Variants in KANSL1L observed in about 807,000 individuals in gnomAD.
The protein encoded by KANSL1L is KAT8 regulatory NSL complex subunit 1 like, also known as KAT8 regulatory NSL complex subunit 1-like protein.
A neutral mutation model predicts 108.6 loss-of-function variants in KANSL1L; 25 were observed. The observed-to-expected ratio is 0.23, with a 90% confidence interval of 0.17 to 0.32. KANSL1L has a LOEUF of 0.32. KANSL1L is among the 10% of genes least tolerant of loss of function. The pLI is 1.00. For missense variants in KANSL1L, 1,137 were observed against 1,125.7 expected (o/e 1.01, Z -0.14); for synonymous variants, 405 against 395.1 (o/e 1.03, Z -0.30).
At chr2:210,040,577 A>C in intron 7 of KANSL1L, 50 bp from the exon 8 acceptor site, 4 of 763,908 alleles carry the variant, frequency 5.2e-6, no homozygotes, top group Non-Finnish European at 8.4e-6. Flanking sequence ...TCTTTGTAAT[A>C]CTAGGATTAC....
intron 7 of KANSL1L, among the ~76,000 whole-genome samples, chr2:210,042,731 A>G (rs2094178895): frequency 6.6e-6 from 1 of 152,228 alleles, no homozygotes; most frequent in Non-Finnish European, 1.5e-5. Context: ...TATTATTGTT[A>G]TATGGATTAT....
At chr2:210,033,314 A>G (rs1455709809) in intron 8 of KANSL1L, among the ~76,000 whole-genome samples, 2 of 152,242 alleles carry the variant, frequency 1.3e-5, no homozygotes, top group African/African-American at 4.8e-5. Context: ...GAGTAATCTA[A>G]ACGTACTAAA....
intron 2 of KANSL1L, among the ~76,000 whole-genome samples, chr2:210,150,123 T>C (rs1277486227): frequency 1.3e-5 from 2 of 152,164 alleles, no homozygotes; most frequent in African/African-American, 2.4e-5. Flanking sequence ...CCTACCTTAA[T>C]GAACTGATAT....
Position 210,154,029 on chromosome 2 carries a change from T to A in KANSL1L, c.554A>T (p.Asp185Val). 1 of 1,613,988 alleles carries A rather than the reference T, an allele frequency of 6.2e-7. No individual in the cohort carries two copies. Among genetic ancestry groups the A allele is most frequent in the Non-Finnish European group, 8.5e-7 (1 of 1,179,946 alleles). ...CAATAAACCCTTTTTAATCTCAGCA[T>A]CAGTAACTTTATCCAAAAGTGCATT... ...QENALLDKVT[D>V]AEIKKGLLHC... Residue 185 changes from aspartate to valine, a missense_variant, in exon 2 of 15, where the codon GAT becomes GTT. By Grantham distance (152) the Asp-to-Val change is radical. Coordinates refer to ENST00000281772, the MANE Select transcript of KANSL1L (RefSeq NM_152519.4).
chr2:210,023,201 G>C (rs750027486), intron 14 of KANSL1L, 22 bp from the exon 15 acceptor site: 5 of 1,575,490 alleles, frequency 3.2e-6, no homozygotes, highest in Non-Finnish European at 4.4e-6. Context: ...AAAATTTTCA[G>C]TTAAGTTTCA....
At chr2:210,070,401 T>C (rs1476296169) in intron 6 of KANSL1L, among the ~76,000 whole-genome samples, 1 of 151,788 alleles carries the variant, frequency 6.6e-6, no homozygotes, top group Admixed American at 6.6e-5. Context: ...AGCTAATTTT[T>C]TGTATTTTTT....
intron 3 of KANSL1L, among the ~76,000 whole-genome samples, chr2:210,109,147 G>A (rs988462799): frequency 1.3e-5 from 2 of 151,666 alleles, no homozygotes; most frequent in South Asian, 4.2e-4. Flanking sequence ...TCTCTCTATG[G>A]CCCTTCAAAT....
At position 210,023,199 on chromosome 2, in the gene KANSL1L, C is replaced by CAGTTA. The variant is rs764285450; in HGVS notation, c.2734-25_2734-21dup. Reference sequence around the variant, plus strand: ...CAAAGACTGAAAGGGGAAAAATTTTCAGTTAAGTTTCAACTAACTTGTTTT... The same window carrying CAGTTA: ...CAAAGACTGAAAGGGGAAAAATTTTCAGTTAAGTTAAGTTTCAACTAACTTGTTTT... On this transcript the variant is annotated intron_variant, in intron 14 of 14. Transcript: ENST00000281772. 6.3e-6 allele frequency: 10 copies of CAGTTA among 1,582,320 alleles called. No individual in the cohort carries two copies. The highest frequency in any genetic ancestry group is 5.4e-5 in the African/African-American group (4 of 74,194).
chr2:210,074,871 T>C (rs927687275), intron 6 of KANSL1L, among the ~76,000 whole-genome samples: 2 of 152,184 alleles, frequency 1.3e-5, no homozygotes, highest in Admixed American at 1.3e-4. Flanking sequence ...CTAACGTTAA[T>C]TGTCAGGGGG....
intron 8 of KANSL1L, among the ~76,000 whole-genome samples, chr2:210,039,452 AGCT>A (rs2094141729): frequency 6.6e-6 from 1 of 151,884 alleles, no homozygotes; most frequent in African/African-American, 2.4e-5. Context: ...TACTTATAAA[AGCT>A]GCTGATTTTT....
chr2:210,040,682 C>A (rs950320076), intron 7 of KANSL1L, among the ~76,000 whole-genome samples, 155 bp from the exon 8 acceptor site: 2 of 152,014 alleles, frequency 1.3e-5, no homozygotes, highest in African/African-American at 4.8e-5. Context: ...TCGGAAGTGA[C>A]AAAATACTCT....
chr2:210,110,580 A>T (rs189990744), intron 3 of KANSL1L, among the ~76,000 whole-genome samples: 1 of 152,238 alleles, frequency 6.6e-6, no homozygotes, highest in African/African-American at 2.4e-5. Context: ...CAAAGACAGA[A>T]TTAGCAAATT....
At chr2:210,062,399 T>A (rs1041368477) in intron 6 of KANSL1L, among the ~76,000 whole-genome samples, 1 of 152,170 alleles carries the variant, frequency 6.6e-6, no homozygotes, top group Non-Finnish European at 1.5e-5. Flanking sequence ...ATTAATACAG[T>A]AAATTGGTAT....
At chr2:210,116,428 T>C (rs974931586) in intron 3 of KANSL1L, among the ~76,000 whole-genome samples, 3 of 152,290 alleles carry the variant, frequency 2.0e-5, no homozygotes, top group African/African-American at 4.8e-5. Flanking sequence ...AGCCAGGTAG[T>C]GGTCACTGCT....
chr2:210,049,902 A>G (rs1290999760), intron 6 of KANSL1L, among the ~76,000 whole-genome samples: 3 of 152,232 alleles, frequency 2.0e-5, no homozygotes, highest in Non-Finnish European at 4.4e-5. Context: ...TAGGCAGCAC[A>G]TGAGTGTTAT....
At chr2:210,162,224 A>ATATATATATATATG (rs889068390) in intron 1 of KANSL1L, among the ~76,000 whole-genome samples, 1 of 128,552 alleles carries the variant, frequency 7.8e-6, no homozygotes, top group African/African-American at 3.7e-5. Flanking sequence ...TGGTTCAGGT[A>ATATATATATATATG]TATATATATA....
At chr2:210,120,010 C>T (rs997544138) in intron 3 of KANSL1L, among the ~76,000 whole-genome samples, 1 of 152,120 alleles carries the variant, frequency 6.6e-6, no homozygotes, top group Non-Finnish European at 1.5e-5. Context: ...GAAAAGGGAA[C>T]CCAGAAATGA....
chr2:210,127,537 T>C (rs896196576), intron 3 of KANSL1L, among the ~76,000 whole-genome samples: 2 of 151,978 alleles, frequency 1.3e-5, no homozygotes, highest in Admixed American at 6.6e-5. Flanking sequence ...GGGCTCACAT[T>C]TGTCATACCA....
At chr2:210,063,753 T>C (rs929529674) in intron 6 of KANSL1L, 3 of 152,166 alleles carry the variant, frequency 2.0e-5, no homozygotes, top group African/African-American at 7.2e-5. Context: ...ATTGTATCTA[T>C]GAAGTAACCA....
Sources: gnomAD v4.1 joint callset for allele counts (sites outside exome capture counted in the v4.1 genomes callset) on GRCh38, gnomAD v4.1.1 for gene constraint, MANE v1.5 for transcripts, NCBI Gene and HGNC (gene_info 2026-07-23, HGNC 2026-07-21) for gene names.